The following WDR41 variants were observed in gnomAD, a reference collection of about 807,000 sequenced individuals.
The protein encoded by WDR41 is WD repeat domain 41.
Under a neutral mutation model 69.3 loss-of-function variants are expected in WDR41, and 63 were observed. That is an observed-to-expected ratio of 0.91 (90% CI 0.74 to 1.12). The LOEUF is 1.12. Among genes scored for constraint, WDR41 ranks in the 50% most tolerant of loss-of-function variants. The pLI, the probability that WDR41 is intolerant of heterozygous loss-of-function variation, is 0.00. For missense variants in WDR41, 543 were observed against 534.5 expected, an observed-to-expected ratio of 1.02 and a Z score of -0.16; for synonymous variants, 185 against 192.1, an observed-to-expected ratio of 0.96 and a Z score of 0.31.
chr5:77,441,190 T>C (rs776945142), intron 8 of WDR41, among the ~76,000 whole-genome samples, 193 bp from the exon 9 acceptor site: 45 of 152,200 alleles, frequency 3.0e-4, no homozygotes, highest in Admixed American at 1.4e-3. Context: ...CTTAGTAATT[T>C]AGTATGTAAT....
intron 1 of WDR41, among the ~76,000 whole-genome samples, chr5:77,526,136 C>T (rs1270768936): frequency 1.3e-5 from 2 of 152,164 alleles, no homozygotes; most frequent in Non-Finnish European, 2.9e-5. Flanking sequence ...AAGACATTCT[C>T]ATACTACCTA....
intron 1 of WDR41, among the ~76,000 whole-genome samples, chr5:77,540,198 C>A (rs1043743682): frequency 6.6e-6 from 1 of 152,170 alleles, no homozygotes; most frequent in Non-Finnish European, 1.5e-5. Context: ...TAGCAGCTGG[C>A]AGGACCCCGT....
chr5:77,537,656 T>C (rs571473716), intron 1 of WDR41, among the ~76,000 whole-genome samples: 1 of 152,258 alleles, frequency 6.6e-6, no homozygotes, highest in Admixed American at 6.5e-5. Context: ...TTGGTTTGTA[T>C]GTTAAAGATA....
chr5:77,509,277 C>A (rs1159113940), intron 1 of WDR41, among the ~76,000 whole-genome samples: 1 of 152,142 alleles, frequency 6.6e-6, no homozygotes, highest in East Asian at 1.9e-4. Flanking sequence ...AGCTGTCACC[C>A]TGGGGTTTCC....
chr5:77,596,160 G>T (rs7707617), intron 1 of WDR41, among the ~76,000 whole-genome samples: 87,422 of 152,034 alleles, frequency 0.58, 25,913 homozygotes, highest in African/African-American at 0.72. Context: ...AATGTAGAAG[G>T]TTTTTTGAGA....
chr5:77,434,351 A>G (rs189622977), intron 12 of WDR41, among the ~76,000 whole-genome samples: 48 of 152,164 alleles, frequency 3.2e-4, no homozygotes, highest in African/African-American at 1.1e-3. Flanking sequence ...TGACATATAC[A>G]TTTCTGAAGA....
Position 77,591,074 on chromosome 5 carries a change from T to C in WDR41, c.42+29405A>G, listed in dbSNP as rs146529871. Among the ~76,000 whole-genome samples, 543 of 152,300 alleles carry C rather than the reference T, an allele frequency of 3.6e-3. 2 individuals carry two copies. Among genetic ancestry groups the C allele is most frequent in the African/African-American group, 0.011 (453 of 41,584 alleles). On this transcript the variant is annotated intron_variant, in intron 1 of 5. Coordinates refer to the WDR41 transcript ENST00000509971. ...TTCTAATTAGACTCAATTTCTTTAA[T>C]AGAAAATAAAATTGAATTTTTTATT... is the stretch of plus-strand genomic sequence containing the variant.
intron 1 of WDR41, among the ~76,000 whole-genome samples, chr5:77,538,157 A>G (rs1035838605): frequency 6.6e-6 from 1 of 152,168 alleles, no homozygotes; most frequent in African/African-American, 2.4e-5. Flanking sequence ...GTCCATCTAT[A>G]CATATTATTT....
chr5:77,481,349 AACAT>A (rs1453890372), intron 2 of WDR41, among the ~76,000 whole-genome samples: 1 of 152,064 alleles, frequency 6.6e-6, no homozygotes, highest in South Asian at 2.1e-4. Context: ...ACAGAGAGGG[AACAT>A]ACTGGTCTGC....
In WDR41 at chr5:77,436,400, A is replaced by G; in HGVS notation, c.1094-6T>C. 6.2e-7 allele frequency: 1 copy of G among 1,613,558 alleles called. No individual in the cohort carries two copies. Among genetic ancestry groups the G allele is most frequent in the Non-Finnish European group, 8.5e-7 (1 of 1,179,736 alleles). On this transcript the variant is annotated splice_region_variant and splice_polypyrimidine_tract_variant and intron_variant, in intron 11 of 12. Transcript: ENST00000296679. ...TCCCCACATGTTAAAAAAACCTAGA[A>G]AAAGAATCATTTCCAAAATTACTGT...
intron 2 of WDR41, among the ~76,000 whole-genome samples, chr5:77,467,251 A>G (rs1272401910): frequency 6.6e-6 from 1 of 152,018 alleles, no homozygotes; most frequent in Non-Finnish European, 1.5e-5. Context: ...AAAACATTCT[A>G]AAGTAACAGA....
At chr5:77,504,316 T>C (rs1802071593) in intron 1 of WDR41, among the ~76,000 whole-genome samples, 1 of 152,150 alleles carries the variant, frequency 6.6e-6, no homozygotes, top group South Asian at 2.1e-4. Context: ...CTCCCAAGAC[T>C]AAACCAGGAA....
intron 1 of WDR41, among the ~76,000 whole-genome samples, chr5:77,589,861 G>C (rs1278928265): frequency 6.6e-6 from 1 of 152,014 alleles, no homozygotes; most frequent in African/African-American, 2.4e-5. Context: ...GTACAATTCT[G>C]AATAGAAATG....
At chr5:77,481,784 C>CA (rs61463461) in intron 2 of WDR41, among the ~76,000 whole-genome samples, 3,552 of 86,908 alleles carry the variant, frequency 0.041, 125 homozygotes, top group Non-Finnish European at 0.064. Context: ...GACTCCGTCT[C>CA]AAAAAAAAAA....
At chr5:77,473,276 C>G (rs1373307824) in intron 2 of WDR41, among the ~76,000 whole-genome samples, 2 of 152,150 alleles carry the variant, frequency 1.3e-5, no homozygotes, top group African/African-American at 4.8e-5. Context: ...TTCCTTACAC[C>G]TTCTACAAAA....
chr5:77,464,706 A>G, intron 3 of WDR41, 55 bp downstream of exon 3: 2 of 1,541,874 alleles, frequency 1.3e-6, no homozygotes, highest in Non-Finnish European at 1.8e-6. Context: ...ATGAATACAT[A>G]CTCAACTACA....
Position 77,433,161 on chromosome 5 carries a change from T to C in WDR41, c.1354A>G (p.Asn452Asp), listed in dbSNP as rs1798792786. Residue 452 changes from asparagine to aspartate, a missense_variant, in exon 13 of 13, where the codon AAT becomes GAT. Transcript: ENST00000296679. The part of the protein sequence containing the change: ...SLRLFQKLEE[N>D]GDLYLAV Reference sequence around the variant, plus strand: ...TAGACAGCAAGGTATAAGTCACCATTCTCCTCTAATTTTTGAAATAATCTT... The same window carrying C: ...TAGACAGCAAGGTATAAGTCACCATCCTCCTCTAATTTTTGAAATAATCTT... The C allele has an allele frequency of 6.2e-7, 1 of 1,613,462 alleles. No individual in the cohort carries two copies. The highest frequency in any genetic ancestry group is 8.5e-7 in the Non-Finnish European group (1 of 1,179,800).
At chr5:77,560,762 A>G (rs1743508127) in intron 1 of WDR41, among the ~76,000 whole-genome samples, 1 of 152,196 alleles carries the variant, frequency 6.6e-6, no homozygotes, top group South Asian at 2.1e-4. Context: ...CAGATTTCTC[A>G]GAATTAAAAA....
intron 8 of WDR41, among the ~76,000 whole-genome samples, chr5:77,442,226 G>A (rs1320559096): frequency 6.6e-6 from 1 of 152,070 alleles, no homozygotes; most frequent in African/African-American, 2.4e-5. Flanking sequence ...GTACAAGGTT[G>A]TTACATACAT....
Sources: gnomAD v4.1 joint callset for allele counts (sites outside exome capture counted in the v4.1 genomes callset) on GRCh38, gnomAD v4.1.1 for gene constraint, MANE v1.5 for transcripts, NCBI Gene and HGNC (gene_info 2026-07-23, HGNC 2026-07-21) for gene names.